Variants in RIC3 observed in about 807,000 individuals in gnomAD.
RIC3 encodes RIC3 acetylcholine receptor chaperone, also known as protein RIC-3.
In RIC3, 28 loss-of-function variants were observed where a neutral mutation model predicts 27.3. The observed-to-expected ratio is 1.02, with a 90% CI of 0.76 to 1.41. The LOEUF is 1.41. Ranked by LOEUF, RIC3 falls within the 40% of genes most tolerant of loss-of-function variation. The pLI is 0.00. For synonymous variants in RIC3, 184 were observed against 160.4 expected, an observed-to-expected ratio of 1.15 and a Z score of -1.11; for missense variants, 501 against 444.7, an observed-to-expected ratio of 1.13 and a Z score of -1.14.
At chr11:8,126,317 C>A (rs887146484) in intron 5 of RIC3, among the ~76,000 whole-genome samples, 15 of 152,022 alleles carry the variant, frequency 9.9e-5, no homozygotes, top group African/African-American at 3.6e-4. Flanking sequence ...AAAAGTATTA[C>A]GCTAAATCAA....
intron 1 of RIC3, among the ~76,000 whole-genome samples, chr11:8,143,551 A>G (rs1486499984): frequency 2.0e-5 from 3 of 152,022 alleles, no homozygotes; most frequent in Non-Finnish European, 2.9e-5. Context: ...ACGGAAGAAC[A>G]TTCCATGCTC....
chr11:8,137,307 G>C (rs1283083655), intron 4 of RIC3, 71 bp downstream of exon 4: 3 of 1,395,694 alleles, frequency 2.1e-6, no homozygotes, highest in Admixed American at 1.7e-5. Context: ...TAGAGGCCTC[G>C]GCCACTGCAC....
Position 8,111,087 on chromosome 11 carries a change from G to C in RIC3, c.721C>G (p.Arg241Gly). The C allele has an allele frequency of 6.2e-7, 1 of 1,613,522 alleles. No homozygotes were observed. The highest frequency in any genetic ancestry group is 1.3e-5 in the African/African-American group (1 of 74,914). Residue 241 changes from arginine to glycine, a missense_variant, in exon 6 of 6, where the codon CGT (arginine) becomes GGT (glycine). Arg to Gly is a moderately radical substitution (Grantham distance 125). Transcript: ENST00000309737. ...PIYDLSDCIK[R>G]RQETILVDYP... ...TCCACCAAGATTGTTTCTTGCCTAC[G>C]CTTGATACAGTCTGAAAGGTCATAA...
At chr11:8,095,895 A>G in the RIC3 span, among the ~76,000 whole-genome samples, 1 of 152,340 alleles carries the variant, frequency 6.6e-6, no homozygotes, top group Non-Finnish European at 1.5e-5. Context: ...GCTCCTTAGA[A>G]AAAGCTCCTT....
At chr11:8,119,344 G>C (rs1946206990) in intron 5 of RIC3, among the ~76,000 whole-genome samples, 1 of 152,140 alleles carries the variant, frequency 6.6e-6, no homozygotes, top group Admixed American at 6.5e-5. Flanking sequence ...TACCAAAATA[G>C]AGATATAGAC....
chr11:8,117,051 C>A (rs1390218707), intron 5 of RIC3, among the ~76,000 whole-genome samples: 5 of 152,150 alleles, frequency 3.3e-5, no homozygotes, highest in Non-Finnish European at 5.9e-5. Context: ...GGCACATATA[C>A]ACAACAGAAT....
At chr11:8,153,471 T>C (rs1319280435) in intron 1 of RIC3, 5 of 447,652 alleles carry the variant, frequency 1.1e-5, no homozygotes, top group African/African-American at 2.0e-5. Flanking sequence ...TCAATAAATA[T>C]TGGATTAATC....
chr11:8,158,627 T>C (rs1051709946), intron 1 of RIC3, among the ~76,000 whole-genome samples: 1 of 150,936 alleles, frequency 6.6e-6, no homozygotes, highest in African/African-American at 2.4e-5. Flanking sequence ...GAAGAAGCTC[T>C]GATGAAATGA....
At chr11:8,168,769 G>A in intron 1 of RIC3, 97 bp downstream of exon 1, 2 of 1,479,202 alleles carry the variant, frequency 1.4e-6, no homozygotes, top group African/African-American at 1.4e-5. Context: ...GGATATTTCG[G>A]TGAAGGCTGC....
At chr11:8,140,230 A>G in intron 1 of RIC3, 37 bp from the exon 2 acceptor site, 1 of 1,556,862 alleles carries the variant, frequency 6.4e-7, no homozygotes, top group South Asian at 1.2e-5. Context: ...CTCTTCTACT[A>G]TTTTAAAGAT....
At chr11:8,151,560 TG>T (rs1950226051) in intron 1 of RIC3, among the ~76,000 whole-genome samples, 1 of 116,006 alleles carries the variant, frequency 8.6e-6, no homozygotes, top group Non-Finnish European at 1.6e-5. Context: ...CACTCCAGCC[TG>T]GGCGACAGAG....
Position 8,110,963 on chromosome 11 carries a change from G to T in RIC3, c.845C>A (p.Pro282His). 1 of 1,614,120 alleles carries T rather than the reference G, an allele frequency of 6.2e-7. No homozygotes were observed. Among genetic ancestry groups the T allele is most frequent in the Non-Finnish European group, 8.5e-7 (1 of 1,180,030 alleles). The change falls in exon 6 of 6, where the codon CCC (proline) becomes CAC (histidine). Residue 282 changes from proline (P) to histidine (H), a missense_variant. Transcript: ENST00000309737. ...ESDHLGWESLPTDPRAQEDNS... is the reference protein window; with the variant it reads ...ESDHLGWESLHTDPRAQEDNS... ...ATCTTCCTGGGCTCTGGGGTCAGTG[G>T]GCAGACTTTCCCAACCCAAATGATC... is the stretch of plus-strand genomic sequence containing the variant.
chr11:8,129,991 T>C (rs1389132800), intron 4 of RIC3, among the ~76,000 whole-genome samples: 1 of 152,246 alleles, frequency 6.6e-6, no homozygotes, highest in African/African-American at 2.4e-5. Flanking sequence ...TTATGTACTT[T>C]CCCTTCTTTT....
intron 4 of RIC3, among the ~76,000 whole-genome samples, chr11:8,132,521 C>G (rs1172011057): frequency 6.6e-6 from 1 of 152,148 alleles, no homozygotes; most frequent in Non-Finnish European, 1.5e-5. Flanking sequence ...TGCTTAATAT[C>G]AGACAGAACA....
chr11:8,139,806 T>C, intron 2 of RIC3, 161 bp downstream of exon 2: 1 of 660,648 alleles, frequency 1.5e-6, no homozygotes, highest in South Asian at 2.1e-5. Flanking sequence ...GAAACTGAAA[T>C]AATGGCTATC....
rs1312963948 is a variant in RIC3 at position 8,107,925 on chromosome 11, C to T, written c.*2773G>A. 1 of 152,120 alleles carries T rather than the reference C, an allele frequency of 6.6e-6. No individual in the cohort carries two copies. Among genetic ancestry groups the T allele is most frequent in the Non-Finnish European group, 1.5e-5 (1 of 68,034 alleles). The allele number at this position is 152,120 out of a possible 1,614,324, so 9.4% of individuals were successfully genotyped here. On this transcript the variant is annotated 3_prime_UTR_variant, in exon 6 of 6. Transcript: ENST00000309737. Reference sequence around the variant, plus strand: ...GCAAGAAAAGAGACAGCAGCCCTGGCAACAAAAACCGGACCCATGATTTTG... The same window carrying T: ...GCAAGAAAAGAGACAGCAGCCCTGGTAACAAAAACCGGACCCATGATTTTG...
At chr11:8,153,723 G>A (rs1324132444) in intron 1 of RIC3, among the ~76,000 whole-genome samples, 3 of 151,942 alleles carry the variant, frequency 2.0e-5, no homozygotes, top group Non-Finnish European at 4.4e-5. Flanking sequence ...TTTCCCCCAA[G>A]CTCTTGTCTC....
chr11:8,149,924 G>T (rs190502701), intron 1 of RIC3, among the ~76,000 whole-genome samples: 159 of 152,274 alleles, frequency 1.0e-3, no homozygotes, highest in African/African-American at 3.0e-3. Flanking sequence ...ACCACAGAAT[G>T]GTTCTGGCTG....
At chr11:8,143,887 G>A (rs1386426725) in intron 1 of RIC3, among the ~76,000 whole-genome samples, 2 of 152,040 alleles carry the variant, frequency 1.3e-5, no homozygotes, top group African/African-American at 4.8e-5. Context: ...TATCTACAAC[G>A]ATCAGACCTT....
Sources: allele counts gnomAD v4.1 joint callset (sites outside exome capture counted in the v4.1 genomes callset), GRCh38; gene constraint gnomAD v4.1.1; transcripts MANE v1.5; gene names NCBI Gene and HGNC (gene_info 2026-07-23, HGNC 2026-07-21).